NEDD4L: variants seen among roughly 807,000 people sequenced by gnomAD.
NEDD4L encodes the protein NEDD4 like E3 ubiquitin protein ligase, also known as E3 ubiquitin-protein ligase NEDD4-like.
Under a neutral mutation model 148.9 loss-of-function variants are expected in NEDD4L, and 54 were observed. The observed-to-expected ratio is 0.36, with a 90% CI of 0.29 to 0.45. The LOEUF is 0.45. NEDD4L is among the 20% of genes least tolerant of loss of function. NEDD4L has a pLI of 1.00. For missense variants in NEDD4L, 856 were observed against 1,233.8 expected (o/e 0.69, Z 4.59); for synonymous variants, 433 against 440.7 (o/e 0.98, Z 0.22).
In NEDD4L at chr18:58,081,341, G is replaced by A. The variant is rs143144922; in HGVS notation, c.48+36633G>A. Among the ~76,000 whole-genome samples the A allele has an allele frequency of 8.1e-3, 1,216 of 149,352 alleles. 15 individuals carry two copies. Among genetic ancestry groups the A allele is most frequent in the African/African-American group, 0.028 (1,130 of 40,234 alleles). ...CGCCATGCTCCTGCCTCAGCCTCCC[G>A]TGTAGCTGGGACTACAGGTGCCTAC... On this transcript the variant is annotated intron_variant, in intron 1 of 30. Transcript: ENST00000400345.
chr18:58,371,220 T>TC (rs1457890340), intron 23 of NEDD4L, among the ~76,000 whole-genome samples: 2 of 147,826 alleles, frequency 1.4e-5, no homozygotes, highest in African/African-American at 5.0e-5. Flanking sequence ...TTTTTTTTTT[T>TC]TTTTTTTGTA....
chr18:58,070,593 C>T (rs113590486), intron 1 of NEDD4L, among the ~76,000 whole-genome samples: 10 of 152,076 alleles, frequency 6.6e-5, no homozygotes, highest in Admixed American at 5.9e-4. Context: ...AAGGCTCTAC[C>T]TTCTCTGCTG....
In NEDD4L at chr18:58,332,176, T is replaced by A. The variant is rs575374307; in HGVS notation, c.990+1262T>A. Among the ~76,000 whole-genome samples the A allele has an allele frequency of 3.3e-5, 5 of 152,288 alleles. No homozygotes were observed. In the East Asian group the frequency reaches 7.7e-4, roughly 23 times the overall value. On this transcript the variant is annotated intron_variant, in intron 11 of 30. Transcript: ENST00000400345. ...ACACTGTAATTTTTTTCAGCAATAATCATAAGTTAGCAATTCTAATTATTT... is the reference window on the plus strand; with the variant it reads ...ACACTGTAATTTTTTTCAGCAATAAACATAAGTTAGCAATTCTAATTATTT...
intron 5 of NEDD4L, among the ~76,000 whole-genome samples, chr18:58,312,657 A>G (rs1485590565): frequency 1.3e-5 from 2 of 151,418 alleles, no homozygotes; most frequent in African/African-American, 4.9e-5. Context: ...TCTCCTCTGC[A>G]GGGTTGAAGA....
At chr18:58,047,477 C>A in intron 1 of NEDD4L, 4 of 985,386 alleles carry the variant, frequency 4.1e-6, no homozygotes, top group Non-Finnish European at 4.8e-6. Context: ...CTGTTCCTTG[C>A]GTCATCAGCA....
At chr18:58,344,719 C>CT (rs57973002) in intron 16 of NEDD4L, among the ~76,000 whole-genome samples, 72,355 of 151,186 alleles carry the variant, frequency 0.48, 18,005 homozygotes, top group East Asian at 0.66. Flanking sequence ...TAATGGAGTT[C>CT]TTTTTTTTTA....
chr18:58,164,854 G>A (rs2036652815), intron 1 of NEDD4L, among the ~76,000 whole-genome samples: 3 of 152,330 alleles, frequency 2.0e-5, no homozygotes, highest in East Asian at 1.9e-4. Flanking sequence ...TAACTGCTGA[G>A]TCTCTAAGTC....
intron 2 of NEDD4L, among the ~76,000 whole-genome samples, chr18:58,192,284 C>T (rs1485050314): frequency 6.6e-6 from 1 of 152,202 alleles, no homozygotes; most frequent in Non-Finnish European, 1.5e-5. Context: ...AACATACAGA[C>T]ATTAAATGCA....
intron 16 of NEDD4L, among the ~76,000 whole-genome samples, chr18:58,347,365 T>C (rs1344715317): frequency 1.3e-5 from 2 of 152,090 alleles, no homozygotes. Context: ...CTCAGCTTTC[T>C]CTAAATCTGG....
chr18:58,316,041 AG>A lies in NEDD4L; in HGVS notation c.348+10del. ...CCCTTAGTCACCTTCCGGTAAGGAC[AG>A]TCTCATGTTTGATGCTTCGTGCTGG... is the stretch of plus-strand genomic sequence containing the variant. On this transcript the variant is annotated intron_variant, in intron 6 of 30. Transcript: ENST00000400345. 6.2e-7 allele frequency: 1 copy of A among 1,610,640 alleles called. No individual in the cohort carries two copies. The highest frequency in any genetic ancestry group is 2.2e-5 in the East Asian group (1 of 44,866).
At chr18:58,058,830 TC>T (rs1260861344) in intron 1 of NEDD4L, among the ~76,000 whole-genome samples, 1 of 152,102 alleles carries the variant, frequency 6.6e-6, no homozygotes. Flanking sequence ...ACTGAATACT[TC>T]ACTGACAGCA....
At chr18:58,317,511 G>A (rs2086945918) in intron 6 of NEDD4L, among the ~76,000 whole-genome samples, 1 of 152,158 alleles carries the variant, frequency 6.6e-6, no homozygotes, top group African/African-American at 2.4e-5. Flanking sequence ...TTTCTGAGAG[G>A]CAAATATTCT....
At chr18:58,385,395 G>A (rs2048877906) in intron 25 of NEDD4L, 131 bp from the exon 26 acceptor site, 2 of 771,736 alleles carry the variant, frequency 2.6e-6, no homozygotes, top group East Asian at 2.5e-5. Flanking sequence ...ACTAAACAGT[G>A]GGGGCACAGA....
intron 2 of NEDD4L, among the ~76,000 whole-genome samples, chr18:58,239,433 T>C (rs1308379831): frequency 6.6e-6 from 1 of 152,202 alleles, no homozygotes; most frequent in Non-Finnish European, 1.5e-5. Flanking sequence ...GTCATTGCAA[T>C]CTGGCTGCAG....
chr18:58,204,870 A>G (rs1446361778), intron 2 of NEDD4L, among the ~76,000 whole-genome samples: 1 of 152,234 alleles, frequency 6.6e-6, no homozygotes, highest in Non-Finnish European at 1.5e-5. Flanking sequence ...TGCGAGACAA[A>G]ATGAAACTCT....
At chr18:58,344,929 T>C (rs990475635) in intron 16 of NEDD4L, among the ~76,000 whole-genome samples, 2 of 152,238 alleles carry the variant, frequency 1.3e-5, no homozygotes, top group Non-Finnish European at 2.9e-5. Flanking sequence ...TTTAACTAGC[T>C]TGGTAATCAA....
intron 2 of NEDD4L, among the ~76,000 whole-genome samples, chr18:58,200,550 A>G (rs969180448): frequency 1.3e-5 from 2 of 152,170 alleles, no homozygotes; most frequent in Non-Finnish European, 2.9e-5. Flanking sequence ...GAAATACACT[A>G]TTTTCGTATT....
chr18:58,288,303 G>A (rs1015610876), intron 5 of NEDD4L, among the ~76,000 whole-genome samples: 17 of 152,142 alleles, frequency 1.1e-4, no homozygotes, highest in African/African-American at 3.9e-4. Flanking sequence ...GTTTATGCAT[G>A]CCCTAGAAAC....
intron 1 of NEDD4L, among the ~76,000 whole-genome samples, chr18:58,061,040 G>A (rs1186159149): frequency 2.6e-5 from 4 of 152,106 alleles, no homozygotes; most frequent in East Asian, 1.9e-4. Context: ...GATTACAGGC[G>A]TGAGCCACTG....
Sources: allele counts gnomAD v4.1 joint callset (sites outside exome capture counted in the v4.1 genomes callset), GRCh38; gene constraint gnomAD v4.1.1; transcripts MANE v1.5; gene names NCBI Gene and HGNC (gene_info 2026-07-23, HGNC 2026-07-21).